The following DPP10 variants were observed in gnomAD, a reference collection of about 807,000 sequenced individuals.
DPP10 encodes the protein dipeptidyl peptidase like 10, also known as inactive dipeptidyl peptidase 10.
Under a neutral mutation model 120.9 loss-of-function variants are expected in DPP10, and 33 were observed. The observed-to-expected ratio is 0.27, with a 90% confidence interval of 0.21 to 0.37. The LOEUF is 0.37. DPP10 is among the 10% of genes least tolerant of loss of function. The pLI is 1.00. For missense variants in DPP10, 816 were observed against 942.8 expected (o/e 0.87, Z 1.76); for synonymous variants, 337 against 326.1 (o/e 1.03, Z -0.36).
At chr2:115,835,749 CATT>C (rs1303128818) in intron 21 of DPP10, among the ~76,000 whole-genome samples, 16 of 152,022 alleles carry the variant, frequency 1.1e-4, no homozygotes, top group Non-Finnish European at 2.1e-4. Flanking sequence ...ACATAATCAT[CATT>C]ATTTCAGTAT....
At chr2:114,723,027 T>A (rs1701806494) in intron 1 of DPP10, among the ~76,000 whole-genome samples, 1 of 152,158 alleles carries the variant, frequency 6.6e-6, no homozygotes, top group Non-Finnish European at 1.5e-5. Flanking sequence ...CTATCAAGGA[T>A]GGAAGTGCTC....
intron 1 of DPP10, among the ~76,000 whole-genome samples, chr2:115,070,120 G>T (rs1707249682): frequency 6.6e-6 from 1 of 151,972 alleles, no homozygotes; most frequent in Non-Finnish European, 1.5e-5. Flanking sequence ...AACCCCTCAG[G>T]CTCATGAAAG....
intron 1 of DPP10, among the ~76,000 whole-genome samples, chr2:115,197,016 G>A (rs775139333): frequency 7.2e-5 from 11 of 152,162 alleles, no homozygotes; most frequent in Non-Finnish European, 1.5e-4. Context: ...TGGTAAGTTG[G>A]TGGACATTAC....
chr2:115,756,498 C>T (rs1355336947), intron 11 of DPP10, among the ~76,000 whole-genome samples: 1 of 150,706 alleles, frequency 6.6e-6, no homozygotes, highest in Non-Finnish European at 1.5e-5. Flanking sequence ...AAATACATCA[C>T]CAAAGTGAAT....
rs142528054 is a variant in DPP10 at position 114,466,869 on chromosome 2, C to T, written c.60+24031C>T. Among the ~76,000 whole-genome samples the T allele has an allele frequency of 1.6e-4, 24 of 152,146 alleles. No individual in the cohort carries two copies. The East Asian group carries it at 4.5e-3, about 28-fold the overall frequency. ...GACCAACATGGCCAACATGATGAAA[C>T]TGCATCTCTACTAAAAATATAGAAA... is the stretch of plus-strand genomic sequence containing the variant. On this transcript the variant is annotated intron_variant, in intron 1 of 25. Transcript: ENST00000410059.
rs576287393 is a variant in DPP10, at chr2:115,764,234, A to G, written c.1113+1624A>G. 1.9e-4 allele frequency among the ~76,000 whole-genome samples: 29 copies of G among 152,250 alleles called. No individual in the cohort carries two copies. The East Asian group carries it at 5.2e-3, about 27-fold the overall frequency. ...ATGTAAGAATTCAATATGTAAGAAG[A>G]GCTTAATAGATACTTACTGAGTGAT... is the stretch of plus-strand genomic sequence containing the variant. On this transcript the variant is annotated intron_variant, in intron 12 of 25. Coordinates refer to ENST00000410059, the MANE Select transcript of DPP10 (RefSeq NM_020868.6).
At chr2:115,162,311 G>T (rs1400482560) in intron 1 of DPP10, 4 of 1,493,790 alleles carry the variant, frequency 2.7e-6, no homozygotes, top group Admixed American at 2.3e-5. Flanking sequence ...CCGGCGGGCG[G>T]CCCACCGAGG....
chr2:115,747,123 C>T (rs934906958), intron 10 of DPP10, among the ~76,000 whole-genome samples: 1 of 152,016 alleles, frequency 6.6e-6, no homozygotes, highest in African/African-American at 2.4e-5. Context: ...TCCAGAAGAC[C>T]CTCATTAACT....
At chr2:114,972,553 T>C (rs935403059) in intron 1 of DPP10, among the ~76,000 whole-genome samples, 1 of 152,148 alleles carries the variant, frequency 6.6e-6, no homozygotes, top group Admixed American at 6.5e-5. Context: ...CTCAGGATGA[T>C]GGATCCATTG....
intron 1 of DPP10, among the ~76,000 whole-genome samples, chr2:115,057,498 A>G (rs577828574): frequency 3.3e-5 from 5 of 152,328 alleles, no homozygotes; most frequent in African/African-American, 7.2e-5. Flanking sequence ...ACCCATTAAC[A>G]TGATAAGGCA....
intron 7 of DPP10, among the ~76,000 whole-genome samples, chr2:115,722,007 A>G (rs535998633): frequency 1.5e-4 from 23 of 152,318 alleles, no homozygotes; most frequent in African/African-American, 5.3e-4. Flanking sequence ...ACAGAAAGAC[A>G]AATACTGCAT....
At chr2:115,828,017 T>A (rs1688552566) in intron 21 of DPP10, among the ~76,000 whole-genome samples, 1 of 152,126 alleles carries the variant, frequency 6.6e-6, no homozygotes, top group South Asian at 2.1e-4. Context: ...TTCCACCTAG[T>A]CTCACTTTTT....
At chr2:115,308,188 C>G (rs755955166) in intron 1 of DPP10, among the ~76,000 whole-genome samples, 1 of 152,116 alleles carries the variant, frequency 6.6e-6, no homozygotes, top group Non-Finnish European at 1.5e-5. Flanking sequence ...CACAGGAACT[C>G]ATGTACAAAT....
intron 1 of DPP10, among the ~76,000 whole-genome samples, chr2:114,733,846 T>A (rs1426359465): frequency 6.6e-6 from 1 of 152,198 alleles, no homozygotes; most frequent in African/African-American, 2.4e-5. Context: ...AAATAACTCA[T>A]CTATTAGATA....
chr2:114,706,559 G>T (rs1441081551), intron 1 of DPP10, among the ~76,000 whole-genome samples: 1 of 152,052 alleles, frequency 6.6e-6, no homozygotes, highest in Admixed American at 6.6e-5. Flanking sequence ...TTCCCTCTAG[G>T]TCTCTGTCTT....
intron 5 of DPP10, among the ~76,000 whole-genome samples, chr2:115,594,274 A>G (rs575917790): frequency 3.3e-5 from 5 of 152,332 alleles, no homozygotes; most frequent in Non-Finnish European, 7.3e-5. Flanking sequence ...ACAAATAACT[A>G]TATTGCCATG....
At chr2:115,060,962 A>G (rs1251799280) in intron 1 of DPP10, among the ~76,000 whole-genome samples, 3 of 152,192 alleles carry the variant, frequency 2.0e-5, no homozygotes, top group East Asian at 1.9e-4. Context: ...CTGAGGGTCA[A>G]TGTTTCTTGC....
At chr2:115,645,699 A>G (rs867675379) in intron 5 of DPP10, among the ~76,000 whole-genome samples, 10 of 152,130 alleles carry the variant, frequency 6.6e-5, no homozygotes, top group African/African-American at 2.4e-4. Flanking sequence ...AGTAAACAAA[A>G]CCATTAAGTT....
rs73946196 is a variant in DPP10 at position 114,539,379 on chromosome 2, G to A, written c.60+96541G>A. On this transcript the variant is annotated intron_variant, in intron 1 of 25. Transcript: ENST00000410059. ...CACAGCTCTGATGGAAGTTCCTTCCGACTGTATTTCCTTCCTATCATCTTA... is the reference window on the plus strand; with the variant it reads ...CACAGCTCTGATGGAAGTTCCTTCCAACTGTATTTCCTTCCTATCATCTTA... 4.4e-3 allele frequency among the ~76,000 whole-genome samples: 670 copies of A among 151,818 alleles called. 4 individuals are homozygous for A. Among genetic ancestry groups the A allele is most frequent in the African/African-American group, 0.016 (655 of 41,402 alleles).
Sources: allele counts gnomAD v4.1 joint callset (sites outside exome capture counted in the v4.1 genomes callset), GRCh38; gene constraint gnomAD v4.1.1; transcripts MANE v1.5; gene names NCBI Gene and HGNC (gene_info 2026-07-23, HGNC 2026-07-21).